KANK1: variants seen among roughly 807,000 people sequenced by gnomAD.
KANK1 encodes KN motif and ankyrin repeat domain-containing protein 1.
A neutral mutation model predicts 106.2 loss-of-function variants in KANK1; 109 were observed. That is an observed-to-expected ratio of 1.03 (90% CI 0.88 to 1.20). The LOEUF (loss-of-function observed/expected upper bound fraction) is 1.20, where lower values mean the gene tolerates loss of function less well. KANK1 is among the 50% of genes most tolerant of loss of function. The pLI is 0.00. For missense variants in KANK1, 2,399 were observed against 1,710.7 expected, an observed-to-expected ratio of 1.40 and a Z score of -7.10; for synonymous variants, 873 against 652.2, an observed-to-expected ratio of 1.34 and a Z score of -5.16.
At position 712,097 on chromosome 9, in the gene KANK1, T is replaced by A; in HGVS notation, c.1331T>A (p.Met444Lys). The change falls in exon 3 of 12, where the codon ATG becomes AAG. Residue 444 changes from methionine (M) to lysine (K), a missense_variant. Transcript: ENST00000382297. ...RNCGVSVTEA[M>K]LGVMTEADKE... ...TGTGGGGTCAGCGTGACAGAGGCCA[T>A]GCTTGGAGTGATGACTGAAGCTGAC... is the stretch of plus-strand genomic sequence containing the variant. The A allele has an allele frequency of 6.2e-7, 1 of 1,614,120 alleles. No individual in the cohort carries two copies. The highest frequency in any genetic ancestry group is 8.5e-7 in the Non-Finnish European group (1 of 1,180,042).
intron 1 of KANK1, among the ~76,000 whole-genome samples, chr9:664,751 A>G (rs1157092352): frequency 6.6e-6 from 1 of 152,138 alleles, no homozygotes; most frequent in African/African-American, 2.4e-5. Flanking sequence ...GAACCTCTGA[A>G]GTGTTTTCTA....
At chr9:539,853 T>C (rs1179414641) in intron 1 of KANK1, among the ~76,000 whole-genome samples, 1 of 152,228 alleles carries the variant, frequency 6.6e-6, no homozygotes, top group Non-Finnish European at 1.5e-5. Context: ...TCATTATTAG[T>C]ATATATAATA....
At chr9:737,233 G>A (rs547983864) in intron 7 of KANK1, among the ~76,000 whole-genome samples, 3 of 152,160 alleles carry the variant, frequency 2.0e-5, no homozygotes, top group Admixed American at 6.5e-5. Flanking sequence ...AGAAAAAAAA[G>A]GACACTCTTC....
rs571304246 is a variant in KANK1 at position 661,852 on chromosome 9, G to A, written c.-83-15038G>A. ...TGAGATGGTATCTCATTGTGGTTTTGATTTGCATTTCTCTGATGGCCAGTG... is the reference window on the plus strand; with the variant it reads ...TGAGATGGTATCTCATTGTGGTTTTAATTTGCATTTCTCTGATGGCCAGTG... On this transcript the variant is annotated intron_variant, in intron 1 of 11. Transcript: ENST00000382297. Among the ~76,000 whole-genome samples the A allele has an allele frequency of 1.3e-3, 194 of 148,006 alleles. 2 individuals carry two copies. Among genetic ancestry groups the A allele is most frequent in the African/African-American group, 4.5e-3 (178 of 39,852 alleles).
intron 1 of KANK1, among the ~76,000 whole-genome samples, chr9:647,849 T>C (rs1461201402): frequency 6.6e-6 from 1 of 150,574 alleles, no homozygotes; most frequent in Non-Finnish European, 1.5e-5. Flanking sequence ...TTTGGGAAAG[T>C]GTTTTTCATA....
chr9:686,414 A>C (rs926544168), intron 2 of KANK1, among the ~76,000 whole-genome samples: 1 of 152,158 alleles, frequency 6.6e-6, no homozygotes, highest in Non-Finnish European at 1.5e-5. Context: ...TGCTGAGCTT[A>C]TGCAGCATGT....
At chr9:667,747 G>GT (rs200088017) in intron 1 of KANK1, among the ~76,000 whole-genome samples, 38,575 of 133,744 alleles carry the variant, frequency 0.29, 6,314 homozygotes, top group South Asian at 0.47. Context: ...TTTTTGTTTT[G>GT]TTTTTTTTTT....
At chr9:646,057 G>A (rs1238910374) in intron 1 of KANK1, among the ~76,000 whole-genome samples, 1 of 150,890 alleles carries the variant, frequency 6.6e-6, no homozygotes, top group African/African-American at 2.5e-5. Context: ...TCAGGGCAGG[G>A]TAGACATCTA....
intron 1 of KANK1, among the ~76,000 whole-genome samples, chr9:658,268 C>G (rs1034881001): frequency 6.6e-6 from 1 of 152,078 alleles, no homozygotes; most frequent in African/African-American, 2.4e-5. Flanking sequence ...TTTTATTTTA[C>G]TCATCCGCTT....
At chr9:586,912 G>A (rs566779686) in intron 1 of KANK1, among the ~76,000 whole-genome samples, 8 of 152,164 alleles carry the variant, frequency 5.3e-5, no homozygotes, top group East Asian at 3.9e-4. Context: ...TCCAAAATGC[G>A]TAGCAGTCTC....
intron 2 of KANK1, among the ~76,000 whole-genome samples, chr9:682,099 G>A (rs1817665827): frequency 6.6e-6 from 1 of 152,006 alleles, no homozygotes. Context: ...GGCCAACATG[G>A]TGAAAACCCG....
intron 1 of KANK1, among the ~76,000 whole-genome samples, chr9:510,912 GC>G (rs1311526480): frequency 6.6e-6 from 1 of 152,128 alleles, no homozygotes; most frequent in Non-Finnish European, 1.5e-5. Context: ...TGCTAGACCA[GC>G]CTTCATTCAG....
rs763544241 is a variant in KANK1, at chr9:712,708, C to T, written c.1942C>T (p.Arg648Trp). ...TVCSPKECAS[R>W]GVNTEAVSQV... ...CTGCTCTCCAAAGGAGTGCGCCTCCCGGGGCGTGAACACTGAGGCTGTTAG... is the reference window on the plus strand; with the variant it reads ...CTGCTCTCCAAAGGAGTGCGCCTCCTGGGGCGTGAACACTGAGGCTGTTAG... Residue 648 changes from arginine to tryptophan, a missense_variant, in exon 3 of 12, where the codon CGG becomes TGG. By Grantham distance (101) the Arg-to-Trp change is moderately radical. Coordinates refer to ENST00000382297, the MANE Select transcript of KANK1 (RefSeq NM_015158.5). The T allele has an allele frequency of 5.6e-6, 9 of 1,613,834 alleles. No individual in the cohort carries two copies. The highest frequency in any genetic ancestry group is 4.0e-5 in the African/African-American group (3 of 74,926).
At chr9:714,742 C>G (rs1037614230) in intron 3 of KANK1, among the ~76,000 whole-genome samples, 7 of 152,162 alleles carry the variant, frequency 4.6e-5, no homozygotes, top group African/African-American at 1.7e-4. Context: ...GAAATTGAAG[C>G]TAATAATCAG....
At chr9:670,749 G>C (rs559576402) in intron 1 of KANK1, among the ~76,000 whole-genome samples, 1 of 152,248 alleles carries the variant, frequency 6.6e-6, no homozygotes, top group East Asian at 1.9e-4. Flanking sequence ...AGGCACTCCT[G>C]ATGCTTCTCA....
At chr9:702,495 TAG>T (rs1173870800) in intron 2 of KANK1, among the ~76,000 whole-genome samples, 2 of 152,066 alleles carry the variant, frequency 1.3e-5, no homozygotes, top group Admixed American at 6.6e-5. Context: ...CATAGAAAAC[TAG>T]AGAGATAGAG....
chr9:741,261 G>A (rs1179890631), intron 9 of KANK1, among the ~76,000 whole-genome samples: 1 of 151,870 alleles, frequency 6.6e-6, no homozygotes, highest in African/African-American at 2.4e-5. Flanking sequence ...GTTGCTTCCT[G>A]TCTCTGTGTT....
chr9:587,599 T>C (rs1377519747), intron 1 of KANK1, among the ~76,000 whole-genome samples: 1 of 152,234 alleles, frequency 6.6e-6, no homozygotes, highest in Non-Finnish European at 1.5e-5. Flanking sequence ...TCCAAGTTTT[T>C]AGAATATGTG....
At chr9:470,696 CCCACCCT>C (rs1193158728) in intron 2 of KANK1, 4 of 152,190 alleles carry the variant, frequency 2.6e-5, no homozygotes, top group African/African-American at 9.7e-5. Context: ...TGAAAGAGGC[CCCACCCT>C]CCATTACACC....
Sources: gnomAD v4.1 joint callset for allele counts (sites outside exome capture counted in the v4.1 genomes callset) on GRCh38, gnomAD v4.1.1 for gene constraint, MANE v1.5 for transcripts, NCBI Gene and HGNC (gene_info 2026-07-23, HGNC 2026-07-21) for gene names.